Variants in SLC17A5 observed in about 807,000 individuals in gnomAD.
SLC17A5 encodes the protein solute carrier family 17 member 5.
Under a neutral mutation model 59.4 loss-of-function variants are expected in SLC17A5, and 47 were observed. That is an observed-to-expected ratio of 0.79 (90% CI 0.63 to 1.01). The LOEUF (loss-of-function observed/expected upper bound fraction) is 1.01, where lower values mean the gene tolerates loss of function less well. Among genes scored for constraint, SLC17A5 ranks in the 50% least tolerant of loss-of-function variants. SLC17A5 has a pLI of 0.00. For missense variants in SLC17A5, 522 were observed against 595.5 expected (o/e 0.88, Z 1.28); for synonymous variants, 202 against 210.7 (o/e 0.96, Z 0.36).
chr6:73,648,358 A>G (rs1769682380), intron 1 of SLC17A5, among the ~76,000 whole-genome samples: 1 of 152,264 alleles, frequency 6.6e-6, no homozygotes, highest in Non-Finnish European at 1.5e-5. Flanking sequence ...CATAAGGAAC[A>G]TGGCACCCAT....
chr6:73,598,694 A>G lies in SLC17A5; in HGVS notation c.1350+1657T>C, dbSNP rs114816465. Among the ~76,000 whole-genome samples the G allele has an allele frequency of 1.7e-3, 264 of 150,968 alleles. 1 individual carries two copies. The highest frequency in any genetic ancestry group is 6.0e-3 in the African/African-American group (248 of 41,118). The stretch of plus-strand genomic sequence containing the variant: ...TGCTTTTCCTTTTTAAAAATAATAT[A>G]CTTTAGAGTTTTATTTGGCCGGGTG... On this transcript the variant is annotated intron_variant, in intron 10 of 10. Coordinates refer to ENST00000355773, the MANE Select transcript of SLC17A5 (RefSeq NM_012434.5).
intron 9 of SLC17A5, 101 bp from the exon 10 acceptor site, chr6:73,600,542 T>G (rs1033622228): frequency 2.1e-6 from 2 of 946,730 alleles, no homozygotes; most frequent in East Asian, 2.6e-5. Flanking sequence ...AGAGTCTCAC[T>G]CTGTGGCCCA....
chr6:73,637,610 T>G (rs1303264332), intron 4 of SLC17A5, among the ~76,000 whole-genome samples: 1 of 152,168 alleles, frequency 6.6e-6, no homozygotes, highest in East Asian at 1.9e-4. Context: ...ACTCACTGAG[T>G]TCTAGCCATC....
In SLC17A5 at chr6:73,600,443, T is replaced by G. The variant is rs144074675; in HGVS notation, c.1260-2A>C. On this transcript the variant is annotated splice_acceptor_variant, in intron 9 of 10. Transcript: ENST00000355773. LOFTEE classifies it high-confidence loss of function. ...ATGCCCAGGAGGATACCAGCATACCTGTAGAAACATTTTCATAGACGTTTA... is the reference window on the plus strand; with the variant it reads ...ATGCCCAGGAGGATACCAGCATACCGGTAGAAACATTTTCATAGACGTTTA... 7 of 1,606,850 alleles carry G rather than the reference T, an allele frequency of 4.4e-6. No individual in the cohort carries two copies. The African/African-American group carries it at 9.4e-5, about 22-fold the overall frequency.
intron 1 of SLC17A5, chr6:73,653,402 T>A: frequency 2.0e-6 from 2 of 985,382 alleles, no homozygotes; most frequent in South Asian, 9.4e-5. Context: ...CTTAGCCCAT[T>A]CATTTGATGA....
chr6:73,619,287 C>G (rs1484529656), intron 7 of SLC17A5, among the ~76,000 whole-genome samples: 1 of 152,086 alleles, frequency 6.6e-6, no homozygotes, highest in East Asian at 1.9e-4. Flanking sequence ...GCAGGGTTAG[C>G]ACAAATCTTC....
chr6:73,652,552 T>C (rs1308486128), intron 1 of SLC17A5, among the ~76,000 whole-genome samples: 1 of 152,254 alleles, frequency 6.6e-6, no homozygotes. Context: ...AACAATGTAA[T>C]AATCTCTGGC....
At chr6:73,606,069 G>A (rs998081114) in intron 9 of SLC17A5, among the ~76,000 whole-genome samples, 11 of 151,980 alleles carry the variant, frequency 7.2e-5, no homozygotes, top group African/African-American at 2.4e-4. Flanking sequence ...TTGAGACTGA[G>A]TCTCACTCTG....
intron 4 of SLC17A5, 27 bp downstream of exon 4, chr6:73,638,385 A>G: frequency 1.3e-6 from 2 of 1,552,804 alleles, no homozygotes; most frequent in South Asian, 2.2e-5. Context: ...AACATATTAC[A>G]GCAAAATTTG....
intron 2 of SLC17A5, among the ~76,000 whole-genome samples, chr6:73,644,206 A>G (rs934817537): frequency 1.3e-5 from 2 of 152,232 alleles, no homozygotes; most frequent in African/African-American, 4.8e-5. Context: ...CAAACAGATG[A>G]AGGTGTATTA....
Position 73,653,859 on chromosome 6 carries a change from G to T in SLC17A5, c.28C>A (p.Arg10=). 1 of 1,607,528 alleles carries T rather than the reference G, an allele frequency of 6.2e-7. No individual in the cohort carries two copies. Among genetic ancestry groups the T allele is most frequent in the East Asian group, 2.2e-5 (1 of 44,620 alleles). MRSPVRDLA[R]NDGEESTDRT... ...TCCGTGCTCTCCTCGCCATCGTTCCGGGCCAGGTCTCGAACCGGAGACCTC... is the reference window on the plus strand; with the variant it reads ...TCCGTGCTCTCCTCGCCATCGTTCCTGGCCAGGTCTCGAACCGGAGACCTC... The change falls in exon 1 of 11, where the codon CGG becomes AGG. Residue 10 remains arginine, a synonymous_variant. Coordinates refer to ENST00000355773, the MANE Select transcript of SLC17A5 (RefSeq NM_012434.5).
At chr6:73,629,793 A>G (rs1473197770) in intron 6 of SLC17A5, among the ~76,000 whole-genome samples, 1 of 152,108 alleles carries the variant, frequency 6.6e-6, no homozygotes, top group Non-Finnish European at 1.5e-5. Flanking sequence ...CAAAAAAACA[A>G]GAAGAAAGAA....
In SLC17A5 at chr6:73,634,701, G is replaced by A. The variant is rs187416425; in HGVS notation, c.819+681C>T. ...AGGAGTGAGCCATCAGGCTGGCCAAGCATCCTAAATCTTAAAATCCAAAAA... is the reference window on the plus strand; with the variant it reads ...AGGAGTGAGCCATCAGGCTGGCCAAACATCCTAAATCTTAAAATCCAAAAA... On this transcript the variant is annotated intron_variant, in intron 6 of 10. Coordinates refer to ENST00000355773, the MANE Select transcript of SLC17A5 (RefSeq NM_012434.5). 1.4e-4 allele frequency among the ~76,000 whole-genome samples: 21 copies of A among 152,236 alleles called. No homozygotes were observed. The South Asian group carries it at 2.1e-3, about 15-fold the overall frequency.
At chr6:73,596,951 A>G (rs2150072825) in intron 10 of SLC17A5, among the ~76,000 whole-genome samples, 1 of 151,784 alleles carries the variant, frequency 6.6e-6, no homozygotes, top group South Asian at 2.1e-4. Context: ...ACCCGAGGTC[A>G]GGAGTTCAAG....
rs1211429440 is a variant in SLC17A5 at position 73,644,400 on chromosome 6, C to T, written c.291+7G>A. ...TTAAAATTGTTTCCTTAAAAAATAG[C>T]ACCTACCGTTTGATTATGATGAACT... On this transcript the variant is annotated splice_region_variant and intron_variant, in intron 2 of 10. Transcript: ENST00000355773. 1 of 1,607,936 alleles carries T rather than the reference C, an allele frequency of 6.2e-7. No individual in the cohort carries two copies. The highest frequency in any genetic ancestry group is 8.5e-7 in the Non-Finnish European group (1 of 1,175,146).
chr6:73,625,100 C>T (rs1768343479), intron 6 of SLC17A5, among the ~76,000 whole-genome samples: 1 of 152,046 alleles, frequency 6.6e-6, no homozygotes, highest in African/African-American at 2.4e-5. Context: ...CAGTATTGCC[C>T]AACCTTCTTC....
chr6:73,628,812 A>G (rs1179572499), intron 6 of SLC17A5, among the ~76,000 whole-genome samples: 2 of 151,938 alleles, frequency 1.3e-5, no homozygotes, highest in African/African-American at 2.4e-5. Flanking sequence ...AGGACAAACT[A>G]TAAAAATTAT....
chr6:73,634,764 A>T (rs494807), intron 6 of SLC17A5, among the ~76,000 whole-genome samples: 3 of 152,038 alleles, frequency 2.0e-5, no homozygotes, highest in African/African-American at 7.3e-5. Flanking sequence ...ATTTCCTTTG[A>T]GCATCATGTG....
intron 7 of SLC17A5, chr6:73,618,222 C>CA (rs1206636811): frequency 2.0e-5 from 3 of 147,746 alleles, no homozygotes; most frequent in African/African-American, 7.6e-5. Flanking sequence ...GAGCAAGACT[C>CA]AGTCTTAAAA....
Sources: gnomAD v4.1 joint callset for allele counts (sites outside exome capture counted in the v4.1 genomes callset) on GRCh38, gnomAD v4.1.1 for gene constraint, MANE v1.5 for transcripts, NCBI Gene and HGNC (gene_info 2026-07-23, HGNC 2026-07-21) for gene names.